TACR1: variants seen among roughly 807,000 people sequenced by gnomAD.
The protein encoded by TACR1 is tachykinin receptor 1.
TACR1 carries 25 observed loss-of-function variants against 35.8 expected under a neutral mutation model. The observed-to-expected ratio is 0.70, with a 90% CI of 0.51 to 0.98. The LOEUF (loss-of-function observed/expected upper bound fraction) is 0.98, where lower values mean the gene tolerates loss of function less well. TACR1 is among the 50% of genes least tolerant of loss of function. TACR1 has a pLI of 0.00. For missense variants in TACR1, 478 were observed against 522.9 expected, an observed-to-expected ratio of 0.91 and a Z score of 0.84; for synonymous variants, 195 against 206.7, an observed-to-expected ratio of 0.94 and a Z score of 0.48.
chr2:75,090,497 G>T (rs1673287656), intron 2 of TACR1, among the ~76,000 whole-genome samples: 1 of 152,074 alleles, frequency 6.6e-6, no homozygotes, highest in African/African-American at 2.4e-5. Context: ...ACCTCTTATT[G>T]CACCAAACAT....
intron 2 of TACR1, among the ~76,000 whole-genome samples, chr2:75,105,017 C>CAGCAA (rs1254449715): frequency 1.3e-5 from 2 of 152,064 alleles, no homozygotes; most frequent in African/African-American, 4.8e-5. Context: ...TCATATGGTT[C>CAGCAA]AGCAAACCTA....
chr2:75,127,384 G>A (rs1674094358), intron 1 of TACR1, among the ~76,000 whole-genome samples: 1 of 152,064 alleles, frequency 6.6e-6, no homozygotes, highest in South Asian at 2.1e-4. Context: ...ATTAATTATT[G>A]TTTATTAATA....
chr2:75,170,220 G>A (rs923278191), intron 1 of TACR1, among the ~76,000 whole-genome samples: 5 of 152,146 alleles, frequency 3.3e-5, no homozygotes, highest in African/African-American at 1.2e-4. Flanking sequence ...TCTTTCCCAT[G>A]CTGTTCTTGT....
At chr2:75,062,068 A>C (rs566302761) in intron 2 of TACR1, among the ~76,000 whole-genome samples, 1 of 152,288 alleles carries the variant, frequency 6.6e-6, no homozygotes, top group East Asian at 1.9e-4. Context: ...CTTGGGTTTC[A>C]AAAAACACTG....
At chr2:75,165,394 C>CT (rs757841032) in intron 1 of TACR1, among the ~76,000 whole-genome samples, 2 of 147,188 alleles carry the variant, frequency 1.4e-5, no homozygotes, top group South Asian at 2.2e-4. Context: ...ACTGCAAGCT[C>CT]GCCTCCAGGG....
rs2103646801 is a variant in TACR1 at position 75,199,056 on chromosome 2, T to C, written c.-122A>G. ...CCAGACAGGAGGGTGGAAGGCTTTT[T>C]CTGGGCAGCACTCTTTTTGAAAGCT... On this transcript the variant is annotated 5_prime_UTR_variant, in exon 1 of 5. Coordinates refer to ENST00000305249, the MANE Select transcript of TACR1 (RefSeq NM_001058.4). 8.1e-7 allele frequency: 1 copy of C among 1,240,120 alleles called. No individual in the cohort carries two copies. The highest frequency in any genetic ancestry group is 1.1e-6 in the Non-Finnish European group (1 of 903,752). 76.8% of individuals were successfully genotyped at this position (1,240,120 alleles called of 1,614,324 possible). A position where few individuals can be genotyped will look rare whatever the true frequency, so the allele number is the denominator to read the frequency against.
intron 1 of TACR1, among the ~76,000 whole-genome samples, chr2:75,157,405 G>A (rs765817092): frequency 6.6e-6 from 1 of 152,162 alleles, no homozygotes; most frequent in Non-Finnish European, 1.5e-5. Context: ...CTCAGGTCCT[G>A]ACAAACAAGC....
chr2:75,118,294 A>G (rs1673902441), intron 2 of TACR1, among the ~76,000 whole-genome samples: 1 of 152,254 alleles, frequency 6.6e-6, no homozygotes, highest in South Asian at 2.1e-4. Context: ...TTATGTTTCC[A>G]TCACTGTCAT....
intron 1 of TACR1, chr2:75,187,656 C>G (rs1675740041): frequency 6.6e-6 from 1 of 152,174 alleles, no homozygotes; most frequent in South Asian, 2.1e-4. Flanking sequence ...AGCTGCTCTT[C>G]TCTTGGTTCA....
At chr2:75,092,677 A>C (rs369725777) in intron 2 of TACR1, among the ~76,000 whole-genome samples, 1 of 152,102 alleles carries the variant, frequency 6.6e-6, no homozygotes, top group African/African-American at 2.4e-5. Context: ...GTCACTCTAC[A>C]CTGGTTGAGT....
chr2:75,144,237 A>G (rs1320045850), intron 1 of TACR1, among the ~76,000 whole-genome samples: 1 of 152,118 alleles, frequency 6.6e-6, no homozygotes, highest in African/African-American at 2.4e-5. Context: ...GAGGTGTGAT[A>G]ATTAAAGCGT....
intron 1 of TACR1, among the ~76,000 whole-genome samples, chr2:75,166,606 G>C (rs1177867099): frequency 6.6e-6 from 1 of 152,214 alleles, no homozygotes; most frequent in Non-Finnish European, 1.5e-5. Context: ...TCCAGAGATA[G>C]CAATCAATCT....
chr2:75,055,633 A>C (rs895491641), intron 2 of TACR1, among the ~76,000 whole-genome samples: 4 of 152,250 alleles, frequency 2.6e-5, no homozygotes, highest in African/African-American at 9.6e-5. Context: ...TGACCAAAAC[A>C]TGTTAGCTGA....
At chr2:75,102,301 A>G (rs1558553583) in intron 2 of TACR1, among the ~76,000 whole-genome samples, 1 of 152,230 alleles carries the variant, frequency 6.6e-6, no homozygotes, top group Non-Finnish European at 1.5e-5. Context: ...CACAAACCAG[A>G]GCAGCCAGCA....
intron 1 of TACR1, among the ~76,000 whole-genome samples, chr2:75,192,353 A>G (rs1293622346): frequency 6.6e-6 from 1 of 152,248 alleles, no homozygotes; most frequent in African/African-American, 2.4e-5. Context: ...GCCTGAGACA[A>G]GTAGGAATAG....
At chr2:75,122,619 G>T (rs1425201551) in intron 1 of TACR1, among the ~76,000 whole-genome samples, 3 of 152,112 alleles carry the variant, frequency 2.0e-5, no homozygotes, top group Non-Finnish European at 2.9e-5. Context: ...GGAGAGAGTG[G>T]AATTATAGGA....
chr2:75,164,434 C>T (rs1195915657), intron 1 of TACR1, among the ~76,000 whole-genome samples: 2 of 151,234 alleles, frequency 1.3e-5, no homozygotes, highest in East Asian at 1.9e-4. Flanking sequence ...GAATTAAAGA[C>T]ATTATCTAAA....
At chr2:75,057,987 C>T (rs769809975) in intron 2 of TACR1, among the ~76,000 whole-genome samples, 81 of 152,240 alleles carry the variant, frequency 5.3e-4, no homozygotes, top group Non-Finnish European at 8.5e-4. Flanking sequence ...TCTTTTGCTC[C>T]CCCAGGCACT....
In TACR1 at chr2:75,154,403, CGCGCACG is replaced by C. The variant is rs1283463127; in HGVS notation, c.390-33642_390-33636del. The C allele has an allele frequency of 4.2e-4, 37 of 88,140 alleles. 2 individuals are homozygous for C. The highest frequency in any genetic ancestry group is 1.6e-3 in the African/African-American group (35 of 22,196). 5.5% of individuals were successfully genotyped at this position (88,140 alleles called of 1,614,324 possible). On this transcript the variant is annotated intron_variant, in intron 1 of 4. Coordinates refer to ENST00000305249, the MANE Select transcript of TACR1 (RefSeq NM_001058.4). The stretch of plus-strand genomic sequence containing the variant: ...GCCCAGGGAGATAATCAGCCAAGAG[CGCGCACG>C]CACACACACACACACACACACACAC...
Sources: allele counts gnomAD v4.1 joint callset (sites outside exome capture counted in the v4.1 genomes callset), GRCh38; gene constraint gnomAD v4.1.1; transcripts MANE v1.5; gene names NCBI Gene and HGNC (gene_info 2026-07-23, HGNC 2026-07-21).